ARL15: variants seen among roughly 807,000 people sequenced by gnomAD.
ARL15 encodes ARF like GTPase 15.
A neutral mutation model predicts 25.2 loss-of-function variants in ARL15; 19 were observed. The observed-to-expected ratio is 0.75, with a 90% confidence interval of 0.53 to 1.10. The LOEUF is 1.10. ARL15 is among the 50% of genes least tolerant of loss of function. The pLI, the probability that ARL15 is intolerant of heterozygous loss-of-function variation, is 0.00. For synonymous variants in ARL15, 94 were observed against 86.8 expected (o/e 1.08, Z -0.46); for missense variants, 220 against 246.0 (o/e 0.89, Z 0.71).
chr5:54,162,178 C>T (rs1307445831), intron 2 of ARL15, among the ~76,000 whole-genome samples: 2 of 152,118 alleles, frequency 1.3e-5, no homozygotes, highest in African/African-American at 4.8e-5. Context: ...CCTCTGCTGC[C>T]TATTCGCCAA....
intron 4 of ARL15, among the ~76,000 whole-genome samples, chr5:54,001,976 T>C (rs1748862573): frequency 6.6e-6 from 1 of 152,188 alleles, no homozygotes; most frequent in Admixed American, 6.5e-5. Context: ...AGATGGACCA[T>C]ACCCAAGATA....
intron 4 of ARL15, among the ~76,000 whole-genome samples, chr5:53,958,804 C>T (rs1283010545): frequency 6.6e-6 from 1 of 151,838 alleles, no homozygotes; most frequent in Non-Finnish European, 1.5e-5. Flanking sequence ...AAAGTTTTTA[C>T]AAGACAAAAA....
At chr5:53,959,245 A>C (rs1266943150) in intron 4 of ARL15, among the ~76,000 whole-genome samples, 1 of 152,232 alleles carries the variant, frequency 6.6e-6, no homozygotes, top group East Asian at 1.9e-4. Context: ...TTTCAAATAA[A>C]TGTGCTGGCT....
At chr5:54,116,162 G>A (rs1752892660) in intron 3 of ARL15, among the ~76,000 whole-genome samples, 1 of 152,216 alleles carries the variant, frequency 6.6e-6, no homozygotes, top group Non-Finnish European at 1.5e-5. Context: ...CTGGGGAGCA[G>A]GAGGGGGTTG....
At chr5:54,208,256 TA>T (rs1178883591) in intron 1 of ARL15, among the ~76,000 whole-genome samples, 1 of 152,160 alleles carries the variant, frequency 6.6e-6, no homozygotes, top group East Asian at 1.9e-4. Context: ...GCCCCACTTT[TA>T]AATATAAATA....
At chr5:54,154,380 A>G (rs1754157453) in intron 3 of ARL15, 200 bp downstream of exon 3, 2 of 435,886 alleles carry the variant, frequency 4.6e-6, no homozygotes, top group East Asian at 3.9e-5. Flanking sequence ...AAAAACCCCC[A>G]AAGTTTATGT....
chr5:54,060,311 C>T (rs1054571017), intron 4 of ARL15, among the ~76,000 whole-genome samples: 19 of 152,020 alleles, frequency 1.2e-4, no homozygotes, highest in African/African-American at 4.1e-4. Context: ...TTCCTGTAAT[C>T]CCCGCTACTC....
At chr5:53,941,642 A>T (rs1457557441) in intron 4 of ARL15, among the ~76,000 whole-genome samples, 1 of 152,216 alleles carries the variant, frequency 6.6e-6, no homozygotes, top group Admixed American at 6.5e-5. Flanking sequence ...AGTTCTCCAT[A>T]ACCAGAACCC....
intron 2 of ARL15, among the ~76,000 whole-genome samples, chr5:54,157,782 C>T (rs763922341): frequency 5.3e-5 from 8 of 152,154 alleles, no homozygotes; most frequent in Non-Finnish European, 1.2e-4. Context: ...CCAAATAGAA[C>T]TTGTGTGGTT....
intron 4 of ARL15, among the ~76,000 whole-genome samples, chr5:53,923,502 A>G (rs1054173251): frequency 1.3e-5 from 2 of 152,120 alleles, no homozygotes; most frequent in African/African-American, 4.8e-5. Flanking sequence ...CACAAATATA[A>G]TAGGTTGTCA....
intron 4 of ARL15, among the ~76,000 whole-genome samples, chr5:54,022,229 C>T (rs976655738): frequency 2.6e-5 from 4 of 152,014 alleles, no homozygotes; most frequent in Non-Finnish European, 5.9e-5. Flanking sequence ...CAAAAATACG[C>T]GTAAGTATTA....
intron 1 of ARL15, among the ~76,000 whole-genome samples, chr5:54,297,602 T>C (rs906376615): frequency 6.6e-6 from 1 of 152,228 alleles, no homozygotes; most frequent in Non-Finnish European, 1.5e-5. Context: ...GAGCATAGTA[T>C]TGTGGAAATA....
At chr5:54,256,720 C>T (rs181368640) in intron 1 of ARL15, among the ~76,000 whole-genome samples, 3 of 152,068 alleles carry the variant, frequency 2.0e-5, no homozygotes. Flanking sequence ...AATCCAACAG[C>T]ATATCAAACA....
At chr5:54,282,392 C>T in intron 1 of ARL15, 1 of 985,370 alleles carries the variant, frequency 1.0e-6, no homozygotes. Context: ...TCTTCATTCC[C>T]CTTGCTCTTG....
chr5:54,030,564 A>G (rs1488540915), intron 4 of ARL15, among the ~76,000 whole-genome samples: 1 of 152,216 alleles, frequency 6.6e-6, no homozygotes, highest in Admixed American at 6.5e-5. Context: ...ACATACAAAG[A>G]TCTGAAGCAA....
At chr5:54,114,490 A>G (rs914982486) in intron 3 of ARL15, among the ~76,000 whole-genome samples, 2 of 148,790 alleles carry the variant, frequency 1.3e-5, no homozygotes, top group Non-Finnish European at 3.0e-5. Context: ...TATTTCCATT[A>G]TATAGCACAA....
chr5:54,071,029 G>T (rs899594052), intron 4 of ARL15, among the ~76,000 whole-genome samples: 12 of 152,012 alleles, frequency 7.9e-5, no homozygotes, highest in Admixed American at 2.0e-4. Flanking sequence ...AATTAGCCAG[G>T]GGTGGTGGCA....
At chr5:54,160,766 C>A (rs1561247882) in intron 2 of ARL15, among the ~76,000 whole-genome samples, 2 of 152,162 alleles carry the variant, frequency 1.3e-5, no homozygotes, top group Non-Finnish European at 2.9e-5. Flanking sequence ...AGTTTGAATT[C>A]TCTTTCTGAA....
Position 54,261,804 on chromosome 5 carries a change from C to T in ARL15, c.48+48628G>A, listed in dbSNP as rs573401156. On this transcript the variant is annotated intron_variant, in intron 1 of 4. Transcript: ENST00000504924. ...ACCGTTTTTTCGGGAGGGTGGGGGT[C>T]ACTTGCTCTTATCATCTAGGAATGA... Among the ~76,000 whole-genome samples, 127 of 152,186 alleles carry T rather than the reference C, an allele frequency of 8.3e-4. 1 individual carries two copies. The highest frequency in any genetic ancestry group is 3.0e-3 in the African/African-American group (123 of 41,526).
Sources: allele counts gnomAD v4.1 joint callset (sites outside exome capture counted in the v4.1 genomes callset), GRCh38; gene constraint gnomAD v4.1.1; transcripts MANE v1.5; gene names NCBI Gene and HGNC (gene_info 2026-07-23, HGNC 2026-07-21).